Variants in FOXN3 observed in about 807,000 individuals in gnomAD.
FOXN3 encodes forkhead box protein N3.
Under a neutral mutation model 38.4 loss-of-function variants are expected in FOXN3, and 7 were observed. That is an observed-to-expected ratio of 0.18 (90% CI 0.10 to 0.34). The LOEUF is 0.34. FOXN3 is among the 10% of genes least tolerant of loss of function. The pLI, the probability that FOXN3 is intolerant of heterozygous loss-of-function variation, is 1.00. For synonymous variants in FOXN3, 230 were observed against 242.2 expected (o/e 0.95, Z 0.47); for missense variants, 456 against 613.4 (o/e 0.74, Z 2.71).
chr14:89,365,249 G>A (rs373896247), intron 2 of FOXN3, among the ~76,000 whole-genome samples: 10 of 152,120 alleles, frequency 6.6e-5, no homozygotes, highest in South Asian at 2.1e-4. Flanking sequence ...GTCACCTCCC[G>A]AGGCTGACAG....
At chr14:89,345,476 C>T (rs1380904605) in intron 3 of FOXN3, among the ~76,000 whole-genome samples, 1 of 152,088 alleles carries the variant, frequency 6.6e-6, no homozygotes, top group Non-Finnish European at 1.5e-5. Flanking sequence ...TGTCACAACA[C>T]TGGTATACTA....
chr14:89,607,882 T>A (rs868645371), intron 1 of FOXN3, among the ~76,000 whole-genome samples: 57 of 152,192 alleles, frequency 3.7e-4, no homozygotes, highest in African/African-American at 1.4e-3. Flanking sequence ...AGTGGCGCTA[T>A]CTTGGCTCAC....
intron 3 of FOXN3, among the ~76,000 whole-genome samples, chr14:89,347,857 G>A (rs1888812236): frequency 6.6e-6 from 1 of 152,154 alleles, no homozygotes; most frequent in South Asian, 2.1e-4. Flanking sequence ...AGGCGGCTGA[G>A]GCAGAAGAAT....
intron 1 of FOXN3, among the ~76,000 whole-genome samples, chr14:89,415,604 CAAA>C (rs34026101): frequency 1.5e-3 from 82 of 54,270 alleles, no homozygotes; most frequent in African/African-American, 4.4e-3. Flanking sequence ...CAACAATAAC[CAAA>C]AAAAAAAAAA....
intron 1 of FOXN3, among the ~76,000 whole-genome samples, chr14:89,506,501 TG>T (rs201333681): frequency 4.3e-5 from 6 of 141,050 alleles, no homozygotes; most frequent in East Asian, 2.2e-4. Flanking sequence ...GGGAGGGAGG[TG>T]GGGGGGTCAG....
intron 2 of FOXN3, among the ~76,000 whole-genome samples, chr14:89,360,500 G>A (rs1331689930): frequency 1.4e-5 from 2 of 146,386 alleles, no homozygotes; most frequent in African/African-American, 5.1e-5. Flanking sequence ...GAGGAAGGGA[G>A]GGAAAAACGG....
chr14:89,566,446 T>TA (rs58034619), intron 1 of FOXN3, among the ~76,000 whole-genome samples: 2,250 of 151,796 alleles, frequency 0.015, 46 homozygotes, highest in African/African-American at 0.05. Context: ...ATAATTTTTT[T>TA]AAAAAAAAAT....
chr14:89,470,198 C>G (rs1184152243), intron 1 of FOXN3, among the ~76,000 whole-genome samples: 1 of 152,130 alleles, frequency 6.6e-6, no homozygotes, highest in African/African-American at 2.4e-5. Flanking sequence ...AATTTCTCAG[C>G]CAACTGATAC....
intron 3 of FOXN3, among the ~76,000 whole-genome samples, chr14:89,337,186 A>G (rs1026860145): frequency 3.9e-5 from 6 of 152,210 alleles, no homozygotes; most frequent in African/African-American, 1.4e-4. Flanking sequence ...ATTTGGTAGT[A>G]CAAAGAATTG....
At chr14:89,240,731 A>G (rs1885116329) in intron 4 of FOXN3, among the ~76,000 whole-genome samples, 1 of 152,264 alleles carries the variant, frequency 6.6e-6, no homozygotes, top group South Asian at 2.1e-4. Flanking sequence ...CTTCCTTGAC[A>G]AGAGAATGCC....
intron 5 of FOXN3, among the ~76,000 whole-genome samples, chr14:89,175,578 C>T (rs2139789317): frequency 6.6e-6 from 1 of 152,284 alleles, no homozygotes; most frequent in Middle Eastern, 3.4e-3. Flanking sequence ...GTGTGTGAAT[C>T]CAAATAACAC....
intron 4 of FOXN3, among the ~76,000 whole-genome samples, chr14:89,256,370 A>G (rs1049036996): frequency 1.3e-5 from 2 of 152,212 alleles, no homozygotes; most frequent in African/African-American, 4.8e-5. Flanking sequence ...GATGAACGGC[A>G]CTGAGGGAAG....
chr14:89,609,754 A>G (rs1896352693), intron 1 of FOXN3, among the ~76,000 whole-genome samples: 1 of 152,188 alleles, frequency 6.6e-6, no homozygotes, highest in Non-Finnish European at 1.5e-5. Context: ...GAAGTCTTCC[A>G]GAGCACGATC....
chr14:89,376,228 A>T (rs1890473798), intron 2 of FOXN3, among the ~76,000 whole-genome samples: 1 of 152,206 alleles, frequency 6.6e-6, no homozygotes, highest in East Asian at 1.9e-4. Context: ...GACTAAAAGG[A>T]GTATGTTCAA....
At chr14:89,370,394 T>C (rs532922631) in intron 2 of FOXN3, among the ~76,000 whole-genome samples, 2 of 152,312 alleles carry the variant, frequency 1.3e-5, no homozygotes, top group East Asian at 3.9e-4. Flanking sequence ...GTCTTTGGGG[T>C]TGCCCCCATG....
intron 4 of FOXN3, among the ~76,000 whole-genome samples, chr14:89,275,844 G>A (rs1041147119): frequency 1.3e-5 from 2 of 152,224 alleles, no homozygotes; most frequent in African/African-American, 4.8e-5. Flanking sequence ...TCTCACAGCA[G>A]AAGACCTGGT....
intron 1 of FOXN3, among the ~76,000 whole-genome samples, chr14:89,493,002 C>T (rs1465140245): frequency 6.6e-6 from 1 of 152,076 alleles, no homozygotes; most frequent in African/African-American, 2.4e-5. Flanking sequence ...CAAATAATGA[C>T]TATAAAGAAT....
At chr14:89,383,907 G>A (rs185497627) in intron 2 of FOXN3, among the ~76,000 whole-genome samples, 10 of 150,854 alleles carry the variant, frequency 6.6e-5, no homozygotes, top group African/African-American at 1.9e-4. Context: ...TTTGTGCCTC[G>A]GCCTCCCGAG....
chr14:89,360,579 A>AG (rs397713533), intron 2 of FOXN3, among the ~76,000 whole-genome samples: 10 of 108,918 alleles, frequency 9.2e-5, no homozygotes, highest in East Asian at 2.7e-4. Flanking sequence ...AGAGAGAGAG[A>AG]AGAAGAAAGG....
Sources: allele counts gnomAD v4.1 joint callset (sites outside exome capture counted in the v4.1 genomes callset), GRCh38; gene constraint gnomAD v4.1.1; transcripts MANE v1.5; gene names NCBI Gene and HGNC (gene_info 2026-07-23, HGNC 2026-07-21).